DTX4: variants seen among roughly 807,000 people sequenced by gnomAD.
DTX4 encodes E3 ubiquitin-protein ligase DTX4.
A neutral mutation model predicts 57.6 loss-of-function variants in DTX4; 28 were observed. The ratio of observed to expected loss-of-function variants is 0.49; its 90% CI spans 0.36 to 0.67. The LOEUF (loss-of-function observed/expected upper bound fraction) is 0.67. DTX4 is among the 30% of genes least tolerant of loss of function. The pLI, the probability that DTX4 is intolerant of heterozygous loss-of-function variation, is 0.00. For synonymous variants in DTX4, 316 were observed against 331.0 expected, an observed-to-expected ratio of 0.95 and a Z score of 0.49; for missense variants, 715 against 836.8, an observed-to-expected ratio of 0.85 and a Z score of 1.80.
intron 7 of DTX4, 148 bp downstream of exon 7, chr11:59,195,517 G>C: frequency 1.1e-6 from 1 of 880,122 alleles, no homozygotes. Flanking sequence ...TACATCCCCC[G>C]ACTCAACACT....
chr11:59,204,309 T>C (rs554325544), intron 8 of DTX4, among the ~76,000 whole-genome samples: 1 of 152,328 alleles, frequency 6.6e-6, no homozygotes, highest in South Asian at 2.1e-4. Context: ...GCAGCCGTTA[T>C]GTTGGCAGAT....
intron 5 of DTX4, 105 bp from the exon 6 acceptor site, chr11:59,191,993 T>C: frequency 4.5e-6 from 6 of 1,335,814 alleles, no homozygotes; most frequent in Non-Finnish European, 6.1e-6. Flanking sequence ...GTGGGTGTTT[T>C]AGAAGAGAAG....
At position 59,198,541 on chromosome 11, in the gene DTX4, A is replaced by G. The variant is rs367668953; in HGVS notation, c.1537-1143A>G. The stretch of plus-strand genomic sequence containing the variant: ...TAGGTGATCTTGAATCATGTTAACT[A>G]TTTAAGAAAATGGAAAGCCACAGAA... On this transcript the variant is annotated intron_variant, in intron 7 of 8. Coordinates refer to ENST00000227451, the MANE Select transcript of DTX4 (RefSeq NM_015177.2). Among the ~76,000 whole-genome samples the G allele has an allele frequency of 1.2e-3, 181 of 152,330 alleles. 2 individuals carry two copies. The South Asian group carries it at 0.031, about 26-fold the overall frequency.
At chr11:59,180,675 T>A (rs1310323866) in intron 1 of DTX4, among the ~76,000 whole-genome samples, 2 of 152,186 alleles carry the variant, frequency 1.3e-5, no homozygotes, top group Admixed American at 1.3e-4. Context: ...AGCCTTAATG[T>A]TGACACCATG....
At position 59,204,770 on chromosome 11, in the gene DTX4, A is replaced by G. The variant is rs752972965; in HGVS notation, c.1721A>G (p.Asn574Ser). The change falls in exon 9 of 9, where the codon AAT (asparagine) becomes AGT (serine). Residue 574 changes from asparagine to serine, a missense_variant. Physicochemically the swap from Asn to Ser is conservative, Grantham distance 46. Transcript: ENST00000227451. ...TTGESDTVIW[N>S]EVHHKTEFGS... is the part of the protein sequence containing the mutation. Reference sequence around the variant, plus strand: ...GGCGAGTCAGACACCGTCATCTGGAATGAGGTCCACCACAAGACAGAGTTT... The same window carrying G: ...GGCGAGTCAGACACCGTCATCTGGAGTGAGGTCCACCACAAGACAGAGTTT... The G allele has an allele frequency of 6.2e-7, 1 of 1,613,730 alleles. No individual in the cohort carries two copies. Among genetic ancestry groups the G allele is most frequent in the Non-Finnish European group, 8.5e-7 (1 of 1,179,786 alleles).
chr11:59,206,819 G>A lies in DTX4; in HGVS notation c.*1910G>A, dbSNP rs1040937918. On this transcript the variant is annotated 3_prime_UTR_variant, in exon 9 of 9. Transcript: ENST00000227451. ...GGGATGTTGATCAGCTCCACCAGAG[G>A]GAGCTCTGATGGGAGGAATTGCTCT... 18 of 152,728 alleles carry A rather than the reference G, an allele frequency of 1.2e-4. No homozygotes were observed. Among genetic ancestry groups the A allele is most frequent in the African/African-American group, 4.3e-4 (18 of 41,544 alleles). 9.5% of individuals were successfully genotyped at this position (152,728 alleles called of 1,614,324 possible).
chr11:59,172,772 C>T lies in DTX4; in HGVS notation c.177C>T (p.Asp59=), dbSNP rs1862344163. The change falls in exon 1 of 9, where the codon GAC becomes GAT. Residue 59 remains aspartate, a synonymous_variant. Coordinates refer to ENST00000227451, the MANE Select transcript of DTX4 (RefSeq NM_015177.2). ...VDSRLAPYII[D]LQSMNQFRQD... ...GCCGTCTCGCGCCCTACATCATCGA[C>T]CTGCAGTCCATGAACCAGTTCCGCC... 6.3e-7 allele frequency: 1 copy of T among 1,596,762 alleles called. No individual in the cohort carries two copies. Among genetic ancestry groups the T allele is most frequent in the Non-Finnish European group, 8.5e-7 (1 of 1,173,070 alleles).
chr11:59,177,990 G>C (rs1862416282), intron 1 of DTX4, among the ~76,000 whole-genome samples: 1 of 152,196 alleles, frequency 6.6e-6, no homozygotes, highest in Admixed American at 6.5e-5. Flanking sequence ...CATCAAATTA[G>C]CCACACAAAT....
At chr11:59,180,407 G>A (rs1434517795) in intron 1 of DTX4, among the ~76,000 whole-genome samples, 3 of 152,180 alleles carry the variant, frequency 2.0e-5, no homozygotes, top group Non-Finnish European at 4.4e-5. Flanking sequence ...TAAGGAGCTT[G>A]GAGATGGGGT....
At chr11:59,192,357 A>G in intron 6 of DTX4, 107 bp downstream of exon 6, 1 of 1,353,586 alleles carries the variant, frequency 7.4e-7, no homozygotes, top group Non-Finnish European at 1.0e-6. Flanking sequence ...GGGAAGTCTT[A>G]GAGGTTATCC....
At position 59,179,180 on chromosome 11, in the gene DTX4, T is replaced by A. The variant is rs538999180; in HGVS notation, c.212-2559T>A. ...TAATTTCCTCATTTGTGAAAGGTAT[T>A]TCTAGGATTGCTATGAAATTTACGT... is the stretch of plus-strand genomic sequence containing the variant. On this transcript the variant is annotated intron_variant, in intron 1 of 8. Coordinates refer to ENST00000227451, the MANE Select transcript of DTX4 (RefSeq NM_015177.2). Among the ~76,000 whole-genome samples, 4 of 152,316 alleles carry A rather than the reference T, an allele frequency of 2.6e-5. 1 individual carries two copies. The South Asian group carries it at 8.3e-4, about 32-fold the overall frequency.
chr11:59,184,492 G>A (rs1862504165), intron 2 of DTX4, among the ~76,000 whole-genome samples: 1 of 152,246 alleles, frequency 6.6e-6, no homozygotes, highest in Admixed American at 6.5e-5. Context: ...CATTGTGATT[G>A]CTGTTATTAT....
At chr11:59,174,340 T>TCATTGC (rs1274367531) in intron 1 of DTX4, among the ~76,000 whole-genome samples, 4 of 151,392 alleles carry the variant, frequency 2.6e-5, no homozygotes, top group African/African-American at 9.7e-5. Flanking sequence ...GGAGAGAATG[T>TCATTGC]CATTGCGCAA....
rs376957156 is a variant in DTX4, at chr11:59,188,744, A to G, written c.945A>G (p.Thr315=). The change falls in exon 3 of 9, where the codon ACA becomes ACG. Residue 315 remains threonine (T), a synonymous_variant. Transcript: ENST00000227451. ...SRVLIASGVP[T]VPVKNLNGSS... is the part of the protein sequence containing the mutation. ...CTCTTTCCTTTCACAGGGTCCCCACAGTCCCAGTGAAGAACCTAAATGGGT... is the reference window on the plus strand; with the variant it reads ...CTCTTTCCTTTCACAGGGTCCCCACGGTCCCAGTGAAGAACCTAAATGGGT... 8.4e-5 allele frequency: 135 copies of G among 1,613,946 alleles called. No homozygotes were observed. In the African/African-American group the frequency reaches 1.7e-3, roughly 20 times the overall value.
Position 59,172,702 on chromosome 11 carries a change from C to A in DTX4, c.107C>A (p.Ala36Asp). The stretch of plus-strand genomic sequence containing the variant: ...CACCACATCGAGGCGGTGGTCCGCG[C>A]CGGCCCCCGCGCGGGGGGCAGCGTG... ...VSHHIEAVVR[A>D]GPRAGGSVVL... is the part of the protein sequence containing the mutation. The change falls in exon 1 of 9, where the codon GCC becomes GAC. Residue 36 changes from alanine to aspartate, a missense_variant. Transcript: ENST00000227451. 1 of 1,601,626 alleles carries A rather than the reference C, an allele frequency of 6.2e-7. No individual in the cohort carries two copies. Among genetic ancestry groups the A allele is most frequent in the Non-Finnish European group, 8.5e-7 (1 of 1,176,172 alleles).
intron 2 of DTX4, among the ~76,000 whole-genome samples, chr11:59,186,749 C>T (rs945936198): frequency 2.6e-5 from 4 of 152,212 alleles, no homozygotes; most frequent in African/African-American, 9.7e-5. Context: ...ACTGCCCATC[C>T]ACCATACCAT....
In DTX4 at chr11:59,196,082, G is replaced by A. The variant is rs533731322; in HGVS notation, c.1536+713G>A. On this transcript the variant is annotated intron_variant, in intron 7 of 8. Transcript: ENST00000227451. ...AAGCTTTTTCTGAGTGTTCTGGGCC[G>A]TTGACTGTATGCATTTCTTTAGCAA... Among the ~76,000 whole-genome samples the A allele has an allele frequency of 1.3e-4, 20 of 152,330 alleles. 1 individual carries two copies. Among genetic ancestry groups the A allele is most frequent in the South Asian group, 4.1e-4 (2 of 4,824 alleles).
chr11:59,191,267 G>A (rs766120918), intron 5 of DTX4, 92 bp downstream of exon 5: 670 of 1,320,344 alleles, frequency 5.1e-4, no homozygotes, highest in Non-Finnish European at 6.5e-4. Context: ...TATGGCGGGG[G>A]CTGCATTCCA....
At chr11:59,189,133 T>C in intron 3 of DTX4, 29 bp from the exon 4 acceptor site, 1 of 1,611,972 alleles carries the variant, frequency 6.2e-7, no homozygotes. Context: ...GTCTCCAGTC[T>C]TTCCTCACCC....
Sources: allele counts gnomAD v4.1 joint callset (sites outside exome capture counted in the v4.1 genomes callset), GRCh38; gene constraint gnomAD v4.1.1; transcripts MANE v1.5; gene names NCBI Gene and HGNC (gene_info 2026-07-23, HGNC 2026-07-21).